EXOC6B: variants seen among roughly 807,000 people sequenced by gnomAD.
The protein encoded by EXOC6B is SEC15 homolog B.
EXOC6B carries 54 observed loss-of-function variants against 113.5 expected under a neutral mutation model. That is an observed-to-expected ratio of 0.48 (90% CI 0.38 to 0.60). EXOC6B has a LOEUF of 0.60. Among genes scored for constraint, EXOC6B ranks in the 20% least tolerant of loss-of-function variants. The pLI is 0.00. For synonymous variants in EXOC6B, 357 were observed against 339.0 expected, an observed-to-expected ratio of 1.05 and a Z score of -0.58; for missense variants, 797 against 977.5, an observed-to-expected ratio of 0.82 and a Z score of 2.46.
chr2:72,624,062 A>C (rs1278953655), intron 6 of EXOC6B, among the ~76,000 whole-genome samples: 1 of 152,218 alleles, frequency 6.6e-6, no homozygotes, highest in East Asian at 1.9e-4. Context: ...TAGTCCTCTG[A>C]AATGAAGCTA....
At chr2:72,233,667 G>T (rs1419595619) in intron 20 of EXOC6B, among the ~76,000 whole-genome samples, 1 of 152,196 alleles carries the variant, frequency 6.6e-6, no homozygotes, top group East Asian at 1.9e-4. Flanking sequence ...CAGTGCCATA[G>T]CCTCAACAGA....
chr2:72,289,029 G>T (rs950369939), intron 20 of EXOC6B: 2 of 285,284 alleles, frequency 7.0e-6, no homozygotes, highest in Middle Eastern at 1.4e-3. Context: ...TAGTTTCATT[G>T]TATTGACAAC....
At chr2:72,554,861 T>A (rs1573383120) in intron 8 of EXOC6B, among the ~76,000 whole-genome samples, 1 of 152,132 alleles carries the variant, frequency 6.6e-6, no homozygotes, top group South Asian at 2.1e-4. Context: ...ACCCATCAAC[T>A]CGTCATTTAC....
chr2:72,331,085 G>A (rs1688394539), intron 20 of EXOC6B, among the ~76,000 whole-genome samples: 2 of 151,968 alleles, frequency 1.3e-5, no homozygotes, highest in South Asian at 4.1e-4. Context: ...GCCAACATGG[G>A]GTAATTTATT....
intron 6 of EXOC6B, among the ~76,000 whole-genome samples, chr2:72,692,350 T>C (rs1371500615): frequency 2.0e-5 from 3 of 151,694 alleles, no homozygotes; most frequent in Non-Finnish European, 4.4e-5. Context: ...TTTTTCACCA[T>C]ATTCTTTTTT....
chr2:72,521,543 A>G (rs1408305890), intron 8 of EXOC6B, among the ~76,000 whole-genome samples: 1 of 152,212 alleles, frequency 6.6e-6, no homozygotes, highest in Non-Finnish European at 1.5e-5. Context: ...TTCTCAATCC[A>G]GTCAATTGGC....
intron 6 of EXOC6B, among the ~76,000 whole-genome samples, chr2:72,589,543 AT>A (rs1705801087): frequency 6.6e-6 from 1 of 150,652 alleles, no homozygotes; most frequent in Non-Finnish European, 1.5e-5. Flanking sequence ...AAAAAAAAGT[AT>A]TTTTTGTTAA....
chr2:72,400,178 G>T (rs1693045512), intron 18 of EXOC6B, among the ~76,000 whole-genome samples: 2 of 152,096 alleles, frequency 1.3e-5, no homozygotes, highest in South Asian at 4.1e-4. Flanking sequence ...AATATACACT[G>T]TAGAAAGTAC....
At chr2:72,362,399 T>C (rs1431987690) in intron 19 of EXOC6B, among the ~76,000 whole-genome samples, 1 of 152,098 alleles carries the variant, frequency 6.6e-6, no homozygotes, top group Non-Finnish European at 1.5e-5. Flanking sequence ...TGTTTAACAT[T>C]GTAGACCATA....
chr2:72,201,734 T>G (rs1314756892), intron 20 of EXOC6B, among the ~76,000 whole-genome samples: 1 of 152,184 alleles, frequency 6.6e-6, no homozygotes, highest in Admixed American at 6.5e-5. Context: ...GATCAGCAAG[T>G]CTCTATAAGA....
At chr2:72,778,575 C>T (rs1683844591) in intron 1 of EXOC6B, among the ~76,000 whole-genome samples, 1 of 152,114 alleles carries the variant, frequency 6.6e-6, no homozygotes, top group African/African-American at 2.4e-5. Context: ...AGTACCATTT[C>T]ATACACTGGT....
At chr2:72,211,531 A>G (rs1680189881) in intron 20 of EXOC6B, among the ~76,000 whole-genome samples, 1 of 152,190 alleles carries the variant, frequency 6.6e-6, no homozygotes, top group Non-Finnish European at 1.5e-5. Flanking sequence ...GTGAAGCCAT[A>G]ACAGAAACAA....
chr2:72,646,987 A>G (rs1026859879), intron 6 of EXOC6B, among the ~76,000 whole-genome samples: 15 of 152,342 alleles, frequency 9.8e-5, no homozygotes, highest in African/African-American at 3.4e-4. Context: ...AGGGTATTCA[A>G]TTAGGAAAAG....
intron 6 of EXOC6B, among the ~76,000 whole-genome samples, chr2:72,616,314 A>C (rs973356828): frequency 1.3e-5 from 2 of 152,202 alleles, no homozygotes; most frequent in Non-Finnish European, 2.9e-5. Flanking sequence ...AGACCTTAAT[A>C]GTCAAAGCAA....
At chr2:72,294,362 A>C (rs1481231095) in intron 20 of EXOC6B, among the ~76,000 whole-genome samples, 3 of 152,040 alleles carry the variant, frequency 2.0e-5, no homozygotes, top group African/African-American at 7.2e-5. Flanking sequence ...GCAGACCACC[A>C]AGAATCTAAT....
Position 72,717,609 on chromosome 2 carries a change from A to C in EXOC6B, c.669+494T>G, listed in dbSNP as rs546470888. Among the ~76,000 whole-genome samples, 829 of 152,298 alleles carry C rather than the reference A, an allele frequency of 5.4e-3. 11 individuals carry two copies. The highest frequency in any genetic ancestry group is 0.017 in the African/African-American group (696 of 41,578). The stretch of plus-strand genomic sequence containing the variant: ...CTGCTAACATATTTTTTAATATATA[A>C]GCTGTTAATAAATCCTTTTCTTTGA... On this transcript the variant is annotated intron_variant, in intron 6 of 21. Transcript: ENST00000272427.
chr2:72,790,777 T>C (rs1436333148), intron 1 of EXOC6B, among the ~76,000 whole-genome samples: 3 of 152,196 alleles, frequency 2.0e-5, no homozygotes, highest in African/African-American at 7.2e-5. Flanking sequence ...CACTTAACTA[T>C]ATCTTTATGC....
chr2:72,644,211 A>G (rs932361750), intron 6 of EXOC6B, among the ~76,000 whole-genome samples: 14 of 152,218 alleles, frequency 9.2e-5, no homozygotes, highest in African/African-American at 3.1e-4. Context: ...TTGAAGATCA[A>G]ATTAATGAAA....
intron 1 of EXOC6B, among the ~76,000 whole-genome samples, chr2:72,745,928 TTTTTC>T (rs1371069826): frequency 6.6e-6 from 1 of 152,242 alleles, no homozygotes; most frequent in African/African-American, 2.4e-5. Context: ...GTGTGGCATT[TTTTTC>T]TTTTAATACC....
Sources: gnomAD v4.1 joint callset for allele counts (sites outside exome capture counted in the v4.1 genomes callset) on GRCh38, gnomAD v4.1.1 for gene constraint, MANE v1.5 for transcripts, NCBI Gene and HGNC (gene_info 2026-07-23, HGNC 2026-07-21) for gene names.